ZNF616: variants seen among roughly 807,000 people sequenced by gnomAD.
The protein encoded by ZNF616 is zinc finger protein 616.
In ZNF616, 5 loss-of-function variants were observed where a neutral mutation model predicts 7.6. The ratio of observed to expected loss-of-function variants is 0.66; its 90% CI spans 0.34 to 1.38. The LOEUF is 1.38. Ranked by LOEUF, ZNF616 falls within the 40% of genes most tolerant of loss-of-function variation. ZNF616 has a pLI of 0.04. For synonymous variants in ZNF616, 319 were observed against 317.2 expected (o/e 1.01, Z -0.06); for missense variants, 913 against 948.3 (o/e 0.96, Z 0.49).
intron 1 of ZNF616, among the ~76,000 whole-genome samples, chr19:52,133,518 G>C (rs142301575): frequency 2.1e-4 from 32 of 152,148 alleles, no homozygotes; most frequent in Admixed American, 7.2e-4. Context: ...TCATCACCTG[G>C]GTTTTTGTGT....
intron 3 of ZNF616, among the ~76,000 whole-genome samples, chr19:52,121,245 C>T (rs904592341): frequency 1.1e-4 from 16 of 152,044 alleles, no homozygotes; most frequent in African/African-American, 2.7e-4. Flanking sequence ...AGTAGCGACG[C>T]GGTTTCGCCA....
chr19:52,129,458 CT>C (rs984257397), intron 2 of ZNF616, among the ~76,000 whole-genome samples: 48 of 152,050 alleles, frequency 3.2e-4, no homozygotes, highest in African/African-American at 1.1e-3. Flanking sequence ...GAGAATTTGG[CT>C]CCATCTTCTC....
rs560127092 is a variant in ZNF616, at chr19:52,127,171, C to T, written c.13-3122G>A. Among the ~76,000 whole-genome samples, 109 of 152,204 alleles carry T rather than the reference C, an allele frequency of 7.2e-4. 2 individuals carry two copies. The East Asian group carries it at 0.018, about 26-fold the overall frequency. The stretch of plus-strand genomic sequence containing the variant: ...CCAAGTTCAAGGGATTCTCCTGCCT[C>T]GGCCTCCCAGGTAGCTAAGATTAAA... On this transcript the variant is annotated intron_variant, in intron 2 of 3. Transcript: ENST00000600228.
intron 2 of ZNF616, among the ~76,000 whole-genome samples, chr19:52,129,656 A>C (rs2088940482): frequency 6.6e-6 from 1 of 152,200 alleles, no homozygotes; most frequent in Admixed American, 6.5e-5. Context: ...ACACGCTCTA[A>C]TGTCTGTATC....
intron 3 of ZNF616, among the ~76,000 whole-genome samples, chr19:52,120,331 C>T (rs534109141): frequency 1.1e-3 from 167 of 152,142 alleles, no homozygotes; most frequent in African/African-American, 4.0e-3. Context: ...AAGACACACA[C>T]AATGGAAATA....
rs1402895187 is a variant in ZNF616 at position 52,115,247 on chromosome 19, C to T, written c.1917G>A (p.Gly639=). Residue 639 remains glycine (G), a synonymous_variant, in exon 4 of 4, where the codon GGG becomes GGA. Coordinates refer to ENST00000600228, the MANE Select transcript of ZNF616 (RefSeq NM_178523.5). The part of the protein sequence containing the change: ...GEKPYKCNQC[G]NSFSQRVHLR... ...GATGGACACGCTGACTAAAGGAATT[C>T]CCACACTGATTGCATTTGTAAGGTT... is the stretch of plus-strand genomic sequence containing the variant. 1 of 1,614,098 alleles carries T rather than the reference C, an allele frequency of 6.2e-7. No individual in the cohort carries two copies. Among genetic ancestry groups the T allele is most frequent in the Non-Finnish European group, 8.5e-7 (1 of 1,180,014 alleles).
chr19:52,119,391 A>C (rs2088849876), intron 3 of ZNF616, among the ~76,000 whole-genome samples: 1 of 152,092 alleles, frequency 6.6e-6, no homozygotes, highest in Non-Finnish European at 1.5e-5. Flanking sequence ...AAAAAAGAAA[A>C]AAGAAAAAAA....
At position 52,115,004 on chromosome 19, in the gene ZNF616, A is replaced by C; in HGVS notation, c.2160T>G (p.Ile720Met). 3 of 1,614,160 alleles carry C rather than the reference A, an allele frequency of 1.9e-6. No homozygotes were observed. Among genetic ancestry groups the C allele is most frequent in the Non-Finnish European group, 2.5e-6 (3 of 1,179,988 alleles). Reference protein sequence around the residue: ...IHTGEKRYKCIECGKAFGRLF... With the variant: ...IHTGEKRYKCMECGKAFGRLF... The stretch of plus-strand genomic sequence containing the variant: ...ACCGCCCAAAGGCTTTGCCACATTC[A>C]ATACATTTGTATCTTTTCTCTCCAG... The change falls in exon 4 of 4, where the codon ATT becomes ATG. Residue 720 changes from isoleucine to methionine, a missense_variant. Transcript: ENST00000600228.
At chr19:52,120,186 C>T (rs1161821917) in intron 3 of ZNF616, among the ~76,000 whole-genome samples, 1 of 152,160 alleles carries the variant, frequency 6.6e-6, no homozygotes, top group African/African-American at 2.4e-5. Context: ...ATATCAAAAA[C>T]ATAACATGGG....
At chr19:52,121,577 C>G (rs1399797586) in intron 3 of ZNF616, among the ~76,000 whole-genome samples, 1 of 152,068 alleles carries the variant, frequency 6.6e-6, no homozygotes, top group Non-Finnish European at 1.5e-5. Context: ...TAGAAGATCT[C>G]CAATAGAACA....
chr19:52,119,342 C>T (rs113723437), intron 3 of ZNF616, among the ~76,000 whole-genome samples: 3,000 of 151,150 alleles, frequency 0.02, 108 homozygotes, highest in African/African-American at 0.069. Flanking sequence ...CACCACTGCA[C>T]TCCAGCCTGA....
At chr19:52,125,600 T>C (rs1219408846) in intron 2 of ZNF616, among the ~76,000 whole-genome samples, 1 of 152,178 alleles carries the variant, frequency 6.6e-6, no homozygotes, top group Non-Finnish European at 1.5e-5. Context: ...ACATGGAACT[T>C]CTCACAGGCT....
chr19:52,137,704 T>C (rs754577089), intron 1 of ZNF616, among the ~76,000 whole-genome samples: 5 of 152,212 alleles, frequency 3.3e-5, no homozygotes, highest in Admixed American at 6.5e-5. Flanking sequence ...ATGTACTTCG[T>C]GGTGAGTTTA....
rs537364270 is a variant in ZNF616, at chr19:52,133,561, T to C, written c.-76-2973A>G. Among the ~76,000 whole-genome samples the C allele has an allele frequency of 1.2e-4, 19 of 152,224 alleles. No individual in the cohort carries two copies. In the South Asian group the frequency reaches 2.7e-3, roughly 22 times the overall value. The stretch of plus-strand genomic sequence containing the variant: ...TGAGACAGAGTCTCGCTCTGTCGCC[T>C]AGGCTGGAGTGCAATGGCACGATCT... On this transcript the variant is annotated intron_variant, in intron 1 of 3. Coordinates refer to ENST00000600228, the MANE Select transcript of ZNF616 (RefSeq NM_178523.5).
intron 1 of ZNF616, among the ~76,000 whole-genome samples, chr19:52,132,057 T>A (rs905159709): frequency 6.6e-6 from 1 of 152,148 alleles, no homozygotes; most frequent in Non-Finnish European, 1.5e-5. Context: ...CAAACATTTT[T>A]CTCCCACAGC....
Position 52,139,492 on chromosome 19 carries a change from G to A in ZNF616, c.-77+240C>T, listed in dbSNP as rs1360928873. Among the ~76,000 whole-genome samples, 1 of 152,082 alleles carries A rather than the reference G, an allele frequency of 6.6e-6. No individual in the cohort carries two copies. The highest frequency in any genetic ancestry group is 1.5e-5 in the Non-Finnish European group (1 of 67,994). ...GCGGCTCCTTCAGGAGCTGGGCAGC[G>A]GGCGCTCCCCTCCAGGCGTCGACAA... On this transcript the variant is annotated intron_variant, in intron 1 of 3. Transcript: ENST00000600228. This position sits in a 1 kb window ranked among gnomAD's most constrained non-coding sequence, Gnocchi z 4.1.
chr19:52,115,352 TG>T lies in ZNF616; in HGVS notation c.1811del (p.Pro604HisfsTer78). 2.5e-6 allele frequency: 4 copies of T among 1,613,988 alleles called. No individual in the cohort carries two copies. The highest frequency in any genetic ancestry group is 3.4e-6 in the Non-Finnish European group (4 of 1,179,992). ...GHRRVHTGEK[P>X]YKCHECGKAF... is the part of the protein sequence containing the mutation. ...CTTTGCCACATTCATGACATTTGTA[TG>T]GTTTCTCTCCAGTATGAACTCTTCG... On this transcript the variant is annotated frameshift_variant, in exon 4 of 4. Transcript: ENST00000600228. LOFTEE classifies it low-confidence loss of function (END_TRUNC).
chr19:52,128,633 T>C (rs555112300), intron 2 of ZNF616, among the ~76,000 whole-genome samples: 1 of 151,260 alleles, frequency 6.6e-6, no homozygotes, highest in African/African-American at 2.4e-5. Context: ...TCCCAGCTAC[T>C]CAAGAGGCTT....
intron 3 of ZNF616, among the ~76,000 whole-genome samples, chr19:52,119,371 A>G (rs867375547): frequency 7.3e-5 from 11 of 151,684 alleles, no homozygotes; most frequent in Middle Eastern, 3.4e-3. Context: ...GCAAGACTCC[A>G]TATGAAAAAA....
Sources: gnomAD v4.1 joint callset for allele counts (sites outside exome capture counted in the v4.1 genomes callset) on GRCh38, gnomAD v4.1.1 for gene constraint, Gnocchi (gnomAD v3.1) non-coding constraint, MANE v1.5 for transcripts, NCBI Gene and HGNC (gene_info 2026-07-23, HGNC 2026-07-21) for gene names.